Variants in CHD9NB observed in about 807,000 individuals in gnomAD.
CHD9NB encodes the protein CHD9 neighbor protein.
chr16:53,051,803 ATATATAT>A, the CHD9NB span, among the ~76,000 whole-genome samples: 1 of 101,042 alleles, frequency 9.9e-6, no homozygotes, highest in African/African-American at 3.1e-5. Context: ...ATATATATAT[ATATATAT>A]AATGAGTACC....
the CHD9NB span, chr16:53,043,945 G>A: frequency 2.5e-6 from 1 of 398,566 alleles, no homozygotes; most frequent in Non-Finnish European, 4.4e-6. Context: ...CATGGTTCTG[G>A]GGCCAAAGGC....
the CHD9NB span, among the ~76,000 whole-genome samples, chr16:53,040,647 C>T: frequency 1.9e-4 from 29 of 152,234 alleles, no homozygotes; most frequent in South Asian, 5.8e-3. Context: ...TTTATGAACA[C>T]TAAGGAGTTT....
chr16:53,046,927 G>A, the CHD9NB span, among the ~76,000 whole-genome samples: 14 of 152,216 alleles, frequency 9.2e-5, no homozygotes, highest in South Asian at 6.2e-4. Context: ...GATTCACCTC[G>A]GATGAGGACT....
the CHD9NB span, chr16:53,047,432 G>C: frequency 2.0e-5 from 3 of 152,226 alleles, no homozygotes; most frequent in African/African-American, 7.2e-5. Flanking sequence ...CTGGAGGCTA[G>C]AAGTTCATGA....
the CHD9NB span, chr16:53,044,280 G>T: frequency 1.0e-5 from 4 of 397,122 alleles, no homozygotes; most frequent in Admixed American, 4.4e-5. Context: ...AAAAGAGCCA[G>T]TTCCGTTTCT....
chr16:53,049,322 T>TTGTGTGTGTGTGTGTGTGTG, the CHD9NB span, among the ~76,000 whole-genome samples: 1 of 144,890 alleles, frequency 6.9e-6, no homozygotes, highest in African/African-American at 2.6e-5. Flanking sequence ...CCCCCAGCTG[T>TTGTGTGTGTGTGTGTGTGTG]TGTGTGTGTG....
chr16:53,042,314 CCT>C, the CHD9NB span, among the ~76,000 whole-genome samples: 782 of 149,310 alleles, frequency 5.2e-3, 6 homozygotes, highest in African/African-American at 0.018. Flanking sequence ...CTCCGTCTCC[CCT>C]CTCCTTCTCT....
At chr16:53,043,276 A>C in the CHD9NB span, 1 of 152,352 alleles carries the variant, frequency 6.6e-6, no homozygotes, top group South Asian at 2.1e-4. Flanking sequence ...GACTTTGGCT[A>C]GGAAGAGATA....
At chr16:53,048,679 C>T in the CHD9NB span, among the ~76,000 whole-genome samples, 1 of 152,154 alleles carries the variant, frequency 6.6e-6, no homozygotes, top group South Asian at 2.1e-4. Context: ...GTGCAGTTTA[C>T]AGAACTTTAA....
the CHD9NB span, among the ~76,000 whole-genome samples, chr16:53,047,582 T>C: frequency 6.6e-6 from 1 of 152,224 alleles, no homozygotes; most frequent in Non-Finnish European, 1.5e-5. Flanking sequence ...CCTCTTCTTA[T>C]AAGGATACCA....
At chr16:53,039,177 A>C in the CHD9NB span, among the ~76,000 whole-genome samples, 1 of 152,230 alleles carries the variant, frequency 6.6e-6, no homozygotes, top group Admixed American at 6.5e-5. Flanking sequence ...GACAGAAACC[A>C]AATTCAAACC....
chr16:53,048,070 A>G, the CHD9NB span, among the ~76,000 whole-genome samples: 5 of 151,986 alleles, frequency 3.3e-5, no homozygotes, highest in African/African-American at 9.6e-5. Flanking sequence ...AAAGGAAGGA[A>G]GGAAGGAAGG....
the CHD9NB span, chr16:53,035,876 G>A: frequency 6.6e-6 from 1 of 151,742 alleles, no homozygotes; most frequent in African/African-American, 2.4e-5. Flanking sequence ...GAGGTGGGAG[G>A]ATGACTTGTG....
the CHD9NB span, among the ~76,000 whole-genome samples, chr16:53,042,219 T>C: frequency 0.18 from 26,411 of 150,268 alleles, 2,510 homozygotes; most frequent in African/African-American, 0.26. Flanking sequence ...TTCCTTTCCT[T>C]CTCGCCCACC....
At chr16:53,044,949 G>T in the CHD9NB span, among the ~76,000 whole-genome samples, 1 of 151,914 alleles carries the variant, frequency 6.6e-6, no homozygotes, top group African/African-American at 2.4e-5. Context: ...TTTTTTACTT[G>T]TTTTTCAGAC....
the CHD9NB span, among the ~76,000 whole-genome samples, chr16:53,049,537 T>G: frequency 6.6e-6 from 1 of 152,030 alleles, no homozygotes; most frequent in East Asian, 1.9e-4. Flanking sequence ...TTGCAGCAAA[T>G]TATACTATTT....
At chr16:53,039,854 G>A in the CHD9NB span, among the ~76,000 whole-genome samples, 1 of 152,104 alleles carries the variant, frequency 6.6e-6, no homozygotes, top group African/African-American at 2.4e-5. Flanking sequence ...TGACGTTGAA[G>A]AATGGGATCA....
chr16:53,050,292 A>G, the CHD9NB span, among the ~76,000 whole-genome samples: 1 of 152,146 alleles, frequency 6.6e-6, no homozygotes, highest in South Asian at 2.1e-4. Flanking sequence ...GGATGGCTTG[A>G]GCTCAGGAGT....
the CHD9NB span, among the ~76,000 whole-genome samples, chr16:53,050,927 T>G: frequency 6.6e-6 from 1 of 151,802 alleles, no homozygotes; most frequent in African/African-American, 2.4e-5. Flanking sequence ...TCGCTCTGTC[T>G]CCCAGGCTGG....
Sources: allele counts gnomAD v4.1 joint callset (sites outside exome capture counted in the v4.1 genomes callset), GRCh38; gene constraint gnomAD v4.1.1; transcripts MANE v1.5; gene names NCBI Gene and HGNC (gene_info 2026-07-23, HGNC 2026-07-21).